NPHP1: variants seen among roughly 807,000 people sequenced by gnomAD.
NPHP1 encodes the protein nephrocystin-1.
A neutral mutation model predicts 90.4 loss-of-function variants in NPHP1; 70 were observed. The ratio of observed to expected loss-of-function variants is 0.77; its 90% CI spans 0.64 to 0.95. The LOEUF is 0.95. Among genes scored for constraint, NPHP1 ranks in the 40% least tolerant of loss-of-function variants. The pLI, the probability that NPHP1 is intolerant of heterozygous loss-of-function variation, is 0.00. For synonymous variants in NPHP1, 256 were observed against 271.7 expected (o/e 0.94, Z 0.57); for missense variants, 764 against 795.9 (o/e 0.96, Z 0.48).
At chr2:110,165,844 G>T (rs772330833) in intron 6 of NPHP1, among the ~76,000 whole-genome samples, 2 of 151,986 alleles carry the variant, frequency 1.3e-5, no homozygotes, top group Non-Finnish European at 2.9e-5. Context: ...AGCACTCAAG[G>T]TGATGGAAAT....
At chr2:110,201,976 A>C (rs956104532) in intron 1 of NPHP1, among the ~76,000 whole-genome samples, 1 of 152,144 alleles carries the variant, frequency 6.6e-6, no homozygotes, top group Non-Finnish European at 1.5e-5. Flanking sequence ...ACCTGTTTTG[A>C]TATTTTTCCA....
intron 16 of NPHP1, among the ~76,000 whole-genome samples, chr2:110,141,545 G>A (rs1434514973): frequency 2.0e-5 from 3 of 152,068 alleles, no homozygotes; most frequent in Non-Finnish European, 4.4e-5. Flanking sequence ...AACACCATGA[G>A]AAACCACTAT....
chr2:110,169,513 T>C (rs1437486819), intron 5 of NPHP1, among the ~76,000 whole-genome samples: 1 of 152,146 alleles, frequency 6.6e-6, no homozygotes, highest in African/African-American at 2.4e-5. Context: ...GGACATTGCC[T>C]AACTCACTTG....
intron 2 of NPHP1, among the ~76,000 whole-genome samples, chr2:110,196,380 T>C (rs1045534376): frequency 6.6e-6 from 1 of 152,142 alleles, no homozygotes; most frequent in African/African-American, 2.4e-5. Flanking sequence ...AAGACATTTA[T>C]GCAGCCAAAA....
At position 110,165,138 on chromosome 2, in the gene NPHP1, T is replaced by C. The variant is rs754550999; in HGVS notation, c.642A>G (p.Glu214=). 6.2e-7 allele frequency: 1 copy of C among 1,613,084 alleles called. No individual in the cohort carries two copies. Among genetic ancestry groups the C allele is most frequent in the Admixed American group, 1.7e-5 (1 of 60,022 alleles). ...CCTCTTCACTTGACTCTTGGCCTTCTTCTTCTTCACTATAAGGCTAAAAAA... is the reference window on the plus strand; with the variant it reads ...CCTCTTCACTTGACTCTTGGCCTTCCTCTTCTTCACTATAAGGCTAAAAAA... ...RTYLEPYSEE[E]EGQESSEEGS... Residue 214 remains glutamate, a synonymous_variant, in exon 7 of 20, where the codon GAA becomes GAG. Transcript: ENST00000445609.
In NPHP1 at chr2:110,123,612, G is replaced by A. The variant is rs996083514; in HGVS notation, c.*179C>T. On this transcript the variant is annotated 3_prime_UTR_variant, in exon 20 of 20. Transcript: ENST00000445609. ...ATTCCTTATAAAAATTTATTTTATGGTTTTAAAAAATATTTAAATTATTGT... is the reference window on the plus strand; with the variant it reads ...ATTCCTTATAAAAATTTATTTTATGATTTTAAAAAATATTTAAATTATTGT... 1.6e-6 allele frequency: 1 copy of A among 609,362 alleles called. No individual in the cohort carries two copies. The highest frequency in any genetic ancestry group is 2.9e-5 in the East Asian group (1 of 34,820). 37.7% of individuals were successfully genotyped at this position (609,362 alleles called of 1,614,324 possible). A position where few individuals can be genotyped will look rare whatever the true frequency, so the allele number is the denominator to read the frequency against.
chr2:110,162,524 T>C (rs1682420580), intron 9 of NPHP1, among the ~76,000 whole-genome samples: 1 of 152,124 alleles, frequency 6.6e-6, no homozygotes, highest in Admixed American at 6.5e-5. Context: ...TCCCCCAGCA[T>C]GAATCCTCTT....
chr2:110,141,401 T>C (rs1165443183), intron 16 of NPHP1, among the ~76,000 whole-genome samples: 1 of 152,112 alleles, frequency 6.6e-6, no homozygotes, highest in East Asian at 1.9e-4. Flanking sequence ...TATTATTATG[T>C]CCATTTTAAA....
intron 2 of NPHP1, among the ~76,000 whole-genome samples, chr2:110,198,678 C>A (rs1160818007): frequency 6.6e-6 from 1 of 152,138 alleles, no homozygotes; most frequent in Non-Finnish European, 1.5e-5. Context: ...AGGGTTAGAG[C>A]CGGCCCTATT....
At chr2:110,159,355 A>G (rs979144057) in intron 11 of NPHP1, among the ~76,000 whole-genome samples, 2 of 151,964 alleles carry the variant, frequency 1.3e-5, no homozygotes, top group African/African-American at 4.8e-5. Flanking sequence ...TAAGATTGGT[A>G]TTATTTCTTC....
chr2:110,168,076 T>C (rs1454905926), intron 6 of NPHP1, among the ~76,000 whole-genome samples: 2 of 152,156 alleles, frequency 1.3e-5, no homozygotes, highest in Non-Finnish European at 2.9e-5. Context: ...AAATACAAGC[T>C]ACAAACACAC....
intron 1 of NPHP1, chr2:110,202,548 G>A (rs1333542433): frequency 2.6e-6 from 1 of 390,546 alleles, no homozygotes; most frequent in Non-Finnish European, 5.4e-6. Flanking sequence ...GGTATCAAAA[G>A]GCTCCAGAGC....
intron 12 of NPHP1, 24 bp downstream of exon 12, chr2:110,150,158 C>T: frequency 6.4e-7 from 1 of 1,561,906 alleles, no homozygotes; most frequent in East Asian, 2.2e-5. Context: ...TTCACTCACT[C>T]CACTCATTCA....
rs763417260 is a variant in NPHP1 at position 110,163,139 on chromosome 2, A to G, written c.772-4T>C. 6.2e-7 allele frequency: 1 copy of G among 1,600,544 alleles called. No individual in the cohort carries two copies. Among genetic ancestry groups the G allele is most frequent in the African/African-American group, 1.3e-5 (1 of 74,716 alleles). On this transcript the variant is annotated splice_region_variant and splice_polypyrimidine_tract_variant and intron_variant, in intron 8 of 19. Coordinates refer to ENST00000445609, the MANE Select transcript of NPHP1 (RefSeq NM_001128178.3). ...ACACATCAACAGTGTTTATCTGCTGAAGACAGTAACATCAAAATGGATTTG... is the reference window on the plus strand; with the variant it reads ...ACACATCAACAGTGTTTATCTGCTGGAGACAGTAACATCAAAATGGATTTG...
At chr2:110,161,485 T>C (rs1020507998) in intron 10 of NPHP1, 118 bp downstream of exon 10, 4 of 690,060 alleles carry the variant, frequency 5.8e-6, no homozygotes, top group East Asian at 5.6e-5. Flanking sequence ...TTCAAAATTA[T>C]CATAAACAAT....
chr2:110,177,578 A>G (rs1173051143), intron 4 of NPHP1, among the ~76,000 whole-genome samples: 1 of 152,130 alleles, frequency 6.6e-6, no homozygotes, highest in African/African-American at 2.4e-5. Flanking sequence ...AGTAAGTACA[A>G]TGCAAATATT....
chr2:110,184,989 C>T, intron 2 of NPHP1: 2 of 624,216 alleles, frequency 3.2e-6, no homozygotes, highest in South Asian at 2.7e-5. Flanking sequence ...GGAGGCTCTA[C>T]CTTGTTCAAA....
chr2:110,189,048 G>C (rs1046423221), intron 2 of NPHP1, among the ~76,000 whole-genome samples: 19 of 152,044 alleles, frequency 1.2e-4, no homozygotes, highest in Admixed American at 7.9e-4. Context: ...AAAAACTCTA[G>C]AAGAAAATCC....
intron 16 of NPHP1, among the ~76,000 whole-genome samples, chr2:110,133,511 T>C (rs566421811): frequency 6.6e-6 from 1 of 152,110 alleles, no homozygotes; most frequent in African/African-American, 2.4e-5. Flanking sequence ...AGAAGATCAA[T>C]AACACTGTAG....
Sources: allele counts gnomAD v4.1 joint callset (sites outside exome capture counted in the v4.1 genomes callset), GRCh38; gene constraint gnomAD v4.1.1; transcripts MANE v1.5; gene names NCBI Gene and HGNC (gene_info 2026-07-23, HGNC 2026-07-21).